NAALADL2: variants seen among roughly 807,000 people sequenced by gnomAD.
The protein encoded by NAALADL2 is inactive N-acetylated-alpha-linked acidic dipeptidase-like protein 2.
In NAALADL2, 76 loss-of-function variants were observed where a neutral mutation model predicts 87.2. The ratio of observed to expected loss-of-function variants is 0.87; its 90% CI spans 0.72 to 1.05. NAALADL2 has a LOEUF of 1.05. Ranked by LOEUF, NAALADL2 falls within the 50% of genes least tolerant of loss-of-function variation. The pLI, the probability that NAALADL2 is intolerant of heterozygous loss-of-function variation, is 0.00. For synonymous variants in NAALADL2, 354 were observed against 331.0 expected (o/e 1.07, Z -0.75); for missense variants, 1,089 against 945.8 (o/e 1.15, Z -1.99).
intron 11 of NAALADL2, among the ~76,000 whole-genome samples, chr3:175,672,542 A>C (rs1471466138): frequency 6.6e-6 from 1 of 152,146 alleles, no homozygotes; most frequent in Non-Finnish European, 1.5e-5. Context: ...AAAGACAGGG[A>C]AAGTAAATTG....
At chr3:175,509,095 G>T (rs1174182884) in intron 9 of NAALADL2, among the ~76,000 whole-genome samples, 1 of 148,682 alleles carries the variant, frequency 6.7e-6, no homozygotes, top group Non-Finnish European at 1.5e-5. Flanking sequence ...CAGCCTGGGT[G>T]ACAAGAGCAA....
intron 13 of NAALADL2, among the ~76,000 whole-genome samples, chr3:175,782,336 T>A (rs1751249758): frequency 2.5e-5 from 1 of 40,164 alleles, no homozygotes; most frequent in Non-Finnish European, 4.6e-5. Flanking sequence ...TGTAAAAGTG[T>A]TCCTATTTCT....
At chr3:175,482,419 T>C (rs2149322436) in intron 9 of NAALADL2, among the ~76,000 whole-genome samples, 2 of 151,986 alleles carry the variant, frequency 1.3e-5, no homozygotes, top group African/African-American at 4.8e-5. Flanking sequence ...TTTAAGTAAC[T>C]AAAGCCTTGG....
intron 5 of NAALADL2, among the ~76,000 whole-genome samples, chr3:175,406,165 A>C (rs1024098024): frequency 6.6e-6 from 1 of 152,222 alleles, no homozygotes; most frequent in Non-Finnish European, 1.5e-5. Flanking sequence ...GCAAAATGAC[A>C]ATGGAGTGAA....
intron 5 of NAALADL2, among the ~76,000 whole-genome samples, chr3:175,427,866 C>T (rs1717086649): frequency 6.6e-6 from 1 of 152,086 alleles, no homozygotes; most frequent in South Asian, 2.1e-4. Flanking sequence ...GAATCATACC[C>T]TTGTAACATA....
chr3:175,649,123 C>T (rs1242303530), intron 11 of NAALADL2, among the ~76,000 whole-genome samples: 1 of 152,138 alleles, frequency 6.6e-6, no homozygotes, highest in Non-Finnish European at 1.5e-5. Context: ...TGGACCACAA[C>T]TGCAGATATG....
At chr3:175,525,040 A>G (rs1314923513) in intron 9 of NAALADL2, among the ~76,000 whole-genome samples, 2 of 152,080 alleles carry the variant, frequency 1.3e-5, no homozygotes, top group African/African-American at 4.8e-5. Context: ...TAACTGAACA[A>G]TCTCTATTTT....
intron 2 of NAALADL2, among the ~76,000 whole-genome samples, chr3:174,649,824 A>G (rs1391674860): frequency 1.3e-5 from 2 of 152,146 alleles, no homozygotes; most frequent in African/African-American, 4.8e-5. Context: ...CCTATTTCTT[A>G]TATCTCTTTT....
chr3:175,249,956 G>A (rs1748715954), intron 3 of NAALADL2, among the ~76,000 whole-genome samples: 1 of 152,098 alleles, frequency 6.6e-6, no homozygotes, highest in Non-Finnish European at 1.5e-5. Context: ...GATCATCTGA[G>A]GTCGGGAGTT....
intron 2 of NAALADL2, among the ~76,000 whole-genome samples, chr3:174,575,088 C>T (rs1215079192): frequency 6.6e-6 from 1 of 151,862 alleles, no homozygotes; most frequent in Non-Finnish European, 1.5e-5. Flanking sequence ...AAGAAACTGA[C>T]AATGGTTTTA....
intron 6 of NAALADL2, among the ~76,000 whole-genome samples, chr3:175,461,893 C>T (rs143938891): frequency 2.6e-4 from 39 of 152,118 alleles, no homozygotes; most frequent in Middle Eastern, 3.4e-3. Context: ...AAAGGCAGAA[C>T]TATGAGACAA....
At chr3:174,615,898 C>T (rs1720414465) in intron 2 of NAALADL2, among the ~76,000 whole-genome samples, 1 of 151,880 alleles carries the variant, frequency 6.6e-6, no homozygotes. Context: ...TAGCACTATA[C>T]CTTATAAAGG....
intron 1 of NAALADL2, among the ~76,000 whole-genome samples, chr3:174,888,208 A>G (rs1329557911): frequency 6.6e-6 from 1 of 152,276 alleles, no homozygotes; most frequent in Non-Finnish European, 1.5e-5. Context: ...TGTTATCAAC[A>G]AAAACGAGAG....
intron 1 of NAALADL2, among the ~76,000 whole-genome samples, chr3:175,093,088 A>G (rs1329749761): frequency 1.3e-5 from 2 of 151,806 alleles, no homozygotes; most frequent in Admixed American, 1.3e-4. Flanking sequence ...ACATGGGGTA[A>G]TCTTAAAATA....
intron 1 of NAALADL2, among the ~76,000 whole-genome samples, chr3:174,469,289 G>A (rs895269370): frequency 3.3e-5 from 5 of 149,422 alleles, no homozygotes; most frequent in African/African-American, 1.2e-4. Flanking sequence ...AGACAGTCTC[G>A]CTCTGTCGCC....
At chr3:175,276,117 A>C (rs892453690) in intron 4 of NAALADL2, among the ~76,000 whole-genome samples, 2 of 145,766 alleles carry the variant, frequency 1.4e-5, no homozygotes, top group African/African-American at 5.1e-5. Flanking sequence ...CTATAAGCTA[A>C]GTATACATAA....
intron 1 of NAALADL2, among the ~76,000 whole-genome samples, chr3:175,035,307 G>A (rs975547672): frequency 3.9e-5 from 6 of 152,176 alleles, no homozygotes; most frequent in Non-Finnish European, 7.3e-5. Flanking sequence ...AAGCATTGAT[G>A]TGTGTCTGAG....
chr3:175,148,072 AAAT>A (rs1314444904), intron 2 of NAALADL2, among the ~76,000 whole-genome samples: 2 of 112,166 alleles, frequency 1.8e-5, no homozygotes, highest in African/African-American at 6.3e-5. Context: ...CTCTGTCTCA[AAAT>A]AATAATAATG....
intron 1 of NAALADL2, among the ~76,000 whole-genome samples, chr3:175,065,885 G>A (rs1714443470): frequency 6.6e-6 from 1 of 152,166 alleles, no homozygotes; most frequent in Non-Finnish European, 1.5e-5. Flanking sequence ...CCATATAGCT[G>A]TGAGCAACAG....
Sources: allele counts gnomAD v4.1 joint callset (sites outside exome capture counted in the v4.1 genomes callset), GRCh38; gene constraint gnomAD v4.1.1; transcripts MANE v1.5; gene names NCBI Gene and HGNC (gene_info 2026-07-23, HGNC 2026-07-21).